EFCAB12: variants seen among roughly 807,000 people sequenced by gnomAD.
The protein encoded by EFCAB12 is EF-hand calcium-binding domain-containing protein 12.
Under a neutral mutation model 53.6 loss-of-function variants are expected in EFCAB12, and 43 were observed. The observed-to-expected ratio is 0.80, with a 90% CI of 0.63 to 1.03. EFCAB12 has a LOEUF of 1.03. Among genes scored for constraint, EFCAB12 ranks in the 50% least tolerant of loss-of-function variants. The pLI, the probability that EFCAB12 is intolerant of heterozygous loss-of-function variation, is 0.00. For missense variants in EFCAB12, 646 were observed against 730.6 expected (o/e 0.88, Z 1.34); for synonymous variants, 269 against 289.2 (o/e 0.93, Z 0.71).
chr3:129,406,868 T>G (rs1347521610), intron 6 of EFCAB12, among the ~76,000 whole-genome samples: 1 of 73,398 alleles, frequency 1.4e-5, no homozygotes, highest in Non-Finnish European at 2.1e-5. Context: ...TTTGGTGGGT[T>G]TTTTTTTTTT....
Position 129,411,315 on chromosome 3 carries a change from G to A in EFCAB12, c.878C>T (p.Pro293Leu), listed in dbSNP as rs376866624. 18 of 1,604,728 alleles carry A rather than the reference G, an allele frequency of 1.1e-5. No individual in the cohort carries two copies. The highest frequency in any genetic ancestry group is 8.0e-5 in the African/African-American group (6 of 74,628). ...TGAATCCACCTCCTGCTTCTTGAGC[G>A]GACCCTTCAGGGAATCTCTGTGCTT... ...LAKHRDSLKGPLKKQEVDSAP... is the reference protein window; with the variant it reads ...LAKHRDSLKGLLKKQEVDSAP... The change falls in exon 5 of 9, where the codon CCG becomes CTG. Residue 293 changes from proline to leucine, a missense_variant. Physicochemically the swap from Pro to Leu is moderately conservative, Grantham distance 98 (BLOSUM62 -3). Coordinates refer to ENST00000505956, the MANE Select transcript of EFCAB12 (RefSeq NM_207307.3).
chr3:129,417,323 CAA>C (rs530043934), intron 3 of EFCAB12, among the ~76,000 whole-genome samples: 1 of 21,432 alleles, frequency 4.7e-5, no homozygotes, highest in Admixed American at 6.0e-4. Flanking sequence ...GACTCTGCCT[CAA>C]AAAAAAAAAA....
At chr3:129,411,093 C>T (rs965447232) in intron 5 of EFCAB12, 65 bp downstream of exon 5, 27 of 1,508,074 alleles carry the variant, frequency 1.8e-5, no homozygotes, top group African/African-American at 5.5e-5. Flanking sequence ...GGTGCTGCTG[C>T]GGTGATCTGA....
intron 3 of EFCAB12, among the ~76,000 whole-genome samples, chr3:129,416,383 C>A (rs2072115147): frequency 6.6e-6 from 1 of 152,034 alleles, no homozygotes; most frequent in African/African-American, 2.4e-5. Flanking sequence ...TGCCATTGCA[C>A]TGCAGCCTGG....
intron 1 of EFCAB12, among the ~76,000 whole-genome samples, chr3:129,423,310 A>AT: frequency 6.6e-6 from 1 of 152,338 alleles, no homozygotes; most frequent in South Asian, 2.1e-4. Flanking sequence ...ATCAAATGAG[A>AT]TAACAGTTTG....
chr3:129,407,315 C>T (rs937188557), intron 6 of EFCAB12, among the ~76,000 whole-genome samples: 6 of 152,188 alleles, frequency 3.9e-5, no homozygotes, highest in African/African-American at 1.2e-4. Flanking sequence ...AGTCCACAGA[C>T]TGGTATTTTG....
At chr3:129,417,009 C>T (rs1249216040) in intron 3 of EFCAB12, among the ~76,000 whole-genome samples, 2 of 151,946 alleles carry the variant, frequency 1.3e-5, no homozygotes, top group African/African-American at 4.8e-5. Context: ...CTAGGGTTAG[C>T]AAGTTAGCAA....
At chr3:129,417,362 CAAA>C (rs61426073) in intron 3 of EFCAB12, among the ~76,000 whole-genome samples, 9,091 of 123,846 alleles carry the variant, frequency 0.073, 937 homozygotes, top group East Asian at 0.46. Flanking sequence ...AACCCAAAAC[CAAA>C]AAAAAAAAAA....
At chr3:129,418,483 G>T in intron 2 of EFCAB12, 35 bp from the exon 3 acceptor site, 3 of 1,549,406 alleles carry the variant, frequency 1.9e-6, no homozygotes, top group Non-Finnish European at 2.6e-6. Context: ...AGAGGAGAGA[G>T]TTCAAAGGAG....
Position 129,421,815 on chromosome 3 carries a change from A to T in EFCAB12, c.50-12T>A. On this transcript the variant is annotated splice_polypyrimidine_tract_variant and intron_variant, in intron 1 of 8. Transcript: ENST00000505956. ...AGACGGGCAGAGTCCTTGGGGTAAGAGAGTTAAAAGATGAGTTTCTCTCTG... is the reference window on the plus strand; with the variant it reads ...AGACGGGCAGAGTCCTTGGGGTAAGTGAGTTAAAAGATGAGTTTCTCTCTG... The T allele has an allele frequency of 6.3e-7, 1 of 1,593,228 alleles. No individual in the cohort carries two copies. Among genetic ancestry groups the T allele is most frequent in the Non-Finnish European group, 8.6e-7 (1 of 1,167,310 alleles).
chr3:129,423,483 C>T (rs2072214267), intron 1 of EFCAB12, among the ~76,000 whole-genome samples: 1 of 151,978 alleles, frequency 6.6e-6, no homozygotes, highest in South Asian at 2.1e-4. Context: ...TAAAAACTAG[C>T]CGGGCATGGT....
Position 129,408,708 on chromosome 3 carries a change from G to A in EFCAB12, c.1186C>T (p.Leu396=). Residue 396 remains leucine, a synonymous_variant, in exon 6 of 9, where the codon CTG becomes TTG. Coordinates refer to ENST00000505956, the MANE Select transcript of EFCAB12 (RefSeq NM_207307.3). ...SARRHNFLVY[L]QCWKLCKSYG... is the part of the protein sequence containing the mutation. ...GACTTACAGAGCTTCCAGCATTGCAGGTAGACCAGAAAGTTGTGCCTGCGG... is the reference window on the plus strand; with the variant it reads ...GACTTACAGAGCTTCCAGCATTGCAAGTAGACCAGAAAGTTGTGCCTGCGG... 6.3e-7 allele frequency: 1 copy of A among 1,589,194 alleles called. No homozygotes were observed. The highest frequency in any genetic ancestry group is 1.8e-5 in the Admixed American group (1 of 57,086).
In EFCAB12 at chr3:129,426,574, C is replaced by T. The variant is rs550787694; in HGVS notation, c.49+1866G>A. Among the ~76,000 whole-genome samples the T allele has an allele frequency of 4.6e-5, 7 of 151,812 alleles. No individual in the cohort carries two copies. The East Asian group carries it at 1.4e-3, about 30-fold the overall frequency. On this transcript the variant is annotated intron_variant, in intron 1 of 8. Transcript: ENST00000505956. ...AGAGATGGGGTTTCACTGTGTTAGC[C>T]AGGATGGTCTCGATCTCCTGACCTG...
At chr3:129,415,188 A>G (rs2107739378) in intron 4 of EFCAB12, 57 bp downstream of exon 4, 1 of 1,523,446 alleles carries the variant, frequency 6.6e-7, no homozygotes, top group East Asian at 2.5e-5. Context: ...GGCTGCCTGC[A>G]CCATGCTTGC....
chr3:129,402,514 G>A lies in EFCAB12; in HGVS notation c.1460+9C>T, dbSNP rs773206950. ...TCCTTCCTTGTGGAGTTAGATGATT[G>A]CCACAGACCTGGTAAATTCCTCAAA... On this transcript the variant is annotated intron_variant, in intron 8 of 8. Transcript: ENST00000505956. The A allele has an allele frequency of 1.9e-6, 3 of 1,611,232 alleles. No individual in the cohort carries two copies. Among genetic ancestry groups the A allele is most frequent in the Non-Finnish European group, 2.5e-6 (3 of 1,178,526 alleles).
chr3:129,402,604 T>A, intron 7 of EFCAB12, 25 bp from the exon 8 acceptor site: 1 of 1,607,788 alleles, frequency 6.2e-7, no homozygotes, highest in Non-Finnish European at 8.5e-7. Flanking sequence ...AGAGGCATTT[T>A]GTGAGGAGAG....
chr3:129,405,244 A>G (rs973192985), intron 6 of EFCAB12, among the ~76,000 whole-genome samples: 1 of 152,206 alleles, frequency 6.6e-6, no homozygotes, highest in African/African-American at 2.4e-5. Flanking sequence ...TTCTGCAACT[A>G]TCAAGCAGTG....
chr3:129,401,529 C>T lies in EFCAB12; in HGVS notation c.*64G>A. On this transcript the variant is annotated 3_prime_UTR_variant, in exon 9 of 9. Transcript: ENST00000505956. ...TTGACACTCCTCTTGTGTCTGGGCT[C>T]TGGGCCGCTGGCTGCACTGGCCCCT... The T allele has an allele frequency of 1.4e-6, 2 of 1,459,952 alleles. No individual in the cohort carries two copies. The highest frequency in any genetic ancestry group is 1.8e-6 in the Non-Finnish European group (2 of 1,100,282). 90.4% of individuals were successfully genotyped at this position (1,459,952 alleles called of 1,614,324 possible).
intron 3 of EFCAB12, among the ~76,000 whole-genome samples, chr3:129,416,657 G>C (rs1440872091): frequency 6.6e-6 from 1 of 152,132 alleles, no homozygotes; most frequent in African/African-American, 2.4e-5. Flanking sequence ...GTCGTTGTTT[G>C]GGTTTCTTTT....
Sources: allele counts gnomAD v4.1 joint callset (sites outside exome capture counted in the v4.1 genomes callset), GRCh38; gene constraint gnomAD v4.1.1; transcripts MANE v1.5; gene names NCBI Gene and HGNC (gene_info 2026-07-23, HGNC 2026-07-21).